MORN3: variants seen among roughly 807,000 people sequenced by gnomAD.
MORN3 encodes the protein MORN repeat containing 3.
MORN3 carries 38 observed loss-of-function variants against 34.7 expected under a neutral mutation model. The observed-to-expected ratio is 1.10, with a 90% confidence interval of 0.85 to 1.44. The LOEUF (loss-of-function observed/expected upper bound fraction) is 1.44, where lower values mean the gene tolerates loss of function less well. Ranked by LOEUF, MORN3 falls within the 40% of genes most tolerant of loss-of-function variation. MORN3 has a pLI of 0.00. For synonymous variants in MORN3, 109 were observed against 115.3 expected, an observed-to-expected ratio of 0.95 and a Z score of 0.35; for missense variants, 311 against 321.7, an observed-to-expected ratio of 0.97 and a Z score of 0.25.
At chr12:121,653,710 G>A (rs141033387) in intron 3 of MORN3, among the ~76,000 whole-genome samples, 4,502 of 152,144 alleles carry the variant, frequency 0.03, 180 homozygotes, top group East Asian at 0.11. Flanking sequence ...GTTTCTCCAC[G>A]TTGGCCAGGC....
Position 121,659,239 on chromosome 12 carries a change from T to A in MORN3, c.255A>T (p.Gly85=), listed in dbSNP as rs766595775. Residue 85 remains glycine, a synonymous_variant, in exon 2 of 6, where the codon GGA becomes GGT. Coordinates refer to ENST00000355329, the MANE Select transcript of MORN3 (RefSeq NM_173855.5). ...AGCCTGAGTAGACTCTCCTGCACTTTCCTGTCTGTTGGTCAGGAAGGCTGA... is the reference window on the plus strand; with the variant it reads ...AGCCTGAGTAGACTCTCCTGCACTTACCTGTCTGTTGGTCAGGAAGGCTGA... ...GTLSLPDQQT[G]KCRRVYSGWW... The A allele has an allele frequency of 1.2e-6, 2 of 1,614,088 alleles. No individual in the cohort carries two copies. The highest frequency in any genetic ancestry group is 1.7e-6 in the Non-Finnish European group (2 of 1,180,014).
chr12:121,655,985 G>A (rs77512662), intron 2 of MORN3, among the ~76,000 whole-genome samples: 4,499 of 152,062 alleles, frequency 0.03, 180 homozygotes, highest in East Asian at 0.11. Flanking sequence ...AGCCAAGATC[G>A]CGCCACTGTA....
chr12:121,666,182 CT>C (rs891794313), intron 1 of MORN3, among the ~76,000 whole-genome samples: 12 of 151,384 alleles, frequency 7.9e-5, no homozygotes, highest in African/African-American at 1.2e-4. Flanking sequence ...ATTTATTTGT[CT>C]TTTTTTTTCT....
intron 2 of MORN3, among the ~76,000 whole-genome samples, chr12:121,658,240 A>C (rs1555325897): frequency 1.3e-5 from 2 of 152,172 alleles, no homozygotes; most frequent in Non-Finnish European, 2.9e-5. Flanking sequence ...GATGATGATG[A>C]TGAGCTGTTG....
chr12:121,670,319 G>T (rs529623914), upstream of MORN3, among the ~76,000 whole-genome samples: 2 of 152,112 alleles, frequency 1.3e-5, no homozygotes, highest in Admixed American at 6.6e-5. Context: ...ATTCTATGCC[G>T]TTGGGATTTT....
chr12:121,661,805 G>A (rs1226797044), intron 1 of MORN3, among the ~76,000 whole-genome samples: 1 of 151,900 alleles, frequency 6.6e-6, no homozygotes. Context: ...GAATCTGGGA[G>A]GTGGAGGTTG....
chr12:121,661,406 A>T (rs945067304), intron 1 of MORN3, among the ~76,000 whole-genome samples: 2 of 152,180 alleles, frequency 1.3e-5, no homozygotes, highest in African/African-American at 4.8e-5. Flanking sequence ...TATTTAACAA[A>T]ACGATGAATA....
chr12:121,663,490 G>A (rs535242226), intron 1 of MORN3, among the ~76,000 whole-genome samples: 67 of 152,208 alleles, frequency 4.4e-4, no homozygotes, highest in African/African-American at 1.6e-3. Flanking sequence ...AAGCCACTGC[G>A]TCCGGCCTTC....
chr12:121,661,949 C>T (rs911741524), intron 1 of MORN3, among the ~76,000 whole-genome samples: 19 of 151,460 alleles, frequency 1.3e-4, no homozygotes, highest in African/African-American at 4.6e-4. Context: ...AGAAAGAAAA[C>T]GTGCCATTTG....
At chr12:121,653,291 G>A (rs781874745) in intron 3 of MORN3, 32 bp from the exon 4 acceptor site, 35 of 1,600,966 alleles carry the variant, frequency 2.2e-5, no homozygotes, top group Non-Finnish European at 2.6e-5. Context: ...TGTGGTGCAG[G>A]GTACACCAAA....
chr12:121,655,339 C>CA (rs57882903), intron 2 of MORN3, among the ~76,000 whole-genome samples: 6,458 of 138,578 alleles, frequency 0.047, 223 homozygotes, highest in East Asian at 0.11. Context: ...GACGCTATCT[C>CA]AAAAAAAAAA....
At chr12:121,662,262 T>C (rs1342877273) in intron 1 of MORN3, among the ~76,000 whole-genome samples, 1 of 151,646 alleles carries the variant, frequency 6.6e-6, no homozygotes, top group Non-Finnish European at 1.5e-5. Flanking sequence ...AGGCTAGAAG[T>C]TCAAGACTAG....
upstream of MORN3, among the ~76,000 whole-genome samples, chr12:121,669,834 T>TATATATATATATATATATATATATA (rs1566488482): frequency 8.7e-5 from 8 of 92,274 alleles, no homozygotes; most frequent in South Asian, 5.6e-4. Context: ...ATATATATAT[T>TATATATATATATATATATATATATA]TTTTTTTTTA....
At chr12:121,652,935 G>A in intron 4 of MORN3, 127 bp from the exon 5 acceptor site, 1 of 1,416,388 alleles carries the variant, frequency 7.1e-7, no homozygotes, top group Non-Finnish European at 9.8e-7. Context: ...TGCTAGGGAT[G>A]CCCTGACTGA....
At chr12:121,665,376 C>T (rs1412508521) in intron 1 of MORN3, among the ~76,000 whole-genome samples, 11 of 144,366 alleles carry the variant, frequency 7.6e-5, no homozygotes, top group Non-Finnish European at 1.7e-4. Flanking sequence ...CTGCAAGCTC[C>T]GCCTCCCAGG....
At chr12:121,656,189 T>A (rs892121925) in intron 2 of MORN3, among the ~76,000 whole-genome samples, 8 of 152,212 alleles carry the variant, frequency 5.3e-5, no homozygotes, top group Non-Finnish European at 1.0e-4. Flanking sequence ...TCCTCACTCC[T>A]GTCCCAGGGC....
chr12:121,664,859 G>A (rs147200984), intron 1 of MORN3, among the ~76,000 whole-genome samples: 1 of 55,568 alleles, frequency 1.8e-5, no homozygotes, highest in Non-Finnish European at 3.6e-5. Flanking sequence ...TTTTTTTTTT[G>A]TAGCCCCTAC....
At chr12:121,667,290 G>A (rs1893794451) in intron 1 of MORN3, among the ~76,000 whole-genome samples, 2 of 148,714 alleles carry the variant, frequency 1.3e-5, no homozygotes, top group African/African-American at 5.0e-5. Flanking sequence ...GTCTTGCTCT[G>A]GCACCCAGGC....
chr12:121,663,957 G>T (rs919892356), intron 1 of MORN3, among the ~76,000 whole-genome samples: 2 of 152,002 alleles, frequency 1.3e-5, no homozygotes, highest in Non-Finnish European at 2.9e-5. Flanking sequence ...CCCAAGGTTT[G>T]GGTGGCTGAC....
Sources: gnomAD v4.1 joint callset for allele counts (sites outside exome capture counted in the v4.1 genomes callset) on GRCh38, gnomAD v4.1.1 for gene constraint, MANE v1.5 for transcripts, NCBI Gene and HGNC (gene_info 2026-07-23, HGNC 2026-07-21) for gene names.